Variants in CCDC149 observed in about 807,000 individuals in gnomAD.
The protein encoded by CCDC149 is coiled-coil domain-containing protein 149.
A neutral mutation model predicts 59.9 loss-of-function variants in CCDC149; 45 were observed. The observed-to-expected ratio is 0.75, with a 90% CI of 0.59 to 0.96. The LOEUF is 0.96. Among genes scored for constraint, CCDC149 ranks in the 40% least tolerant of loss-of-function variants. The pLI is 0.00. For synonymous variants in CCDC149, 245 were observed against 260.6 expected (o/e 0.94, Z 0.58); for missense variants, 584 against 664.7 (o/e 0.88, Z 1.33).
At chr4:24,888,656 G>A (rs1439583351) in intron 1 of CCDC149, among the ~76,000 whole-genome samples, 1 of 152,098 alleles carries the variant, frequency 6.6e-6, no homozygotes, top group African/African-American at 2.4e-5. Flanking sequence ...CAATGCCTGT[G>A]GGGCTGGCCA....
intron 1 of CCDC149, among the ~76,000 whole-genome samples, chr4:24,887,891 AT>A (rs1231320137): frequency 6.6e-6 from 1 of 151,756 alleles, no homozygotes; most frequent in Non-Finnish European, 1.5e-5. Context: ...CTCCAACTTC[AT>A]CATCAGCTCT....
At chr4:24,958,705 A>AT (rs1228895278) in intron 1 of CCDC149, among the ~76,000 whole-genome samples, 7 of 152,258 alleles carry the variant, frequency 4.6e-5, no homozygotes, top group Admixed American at 2.6e-4. Flanking sequence ...AGATCAAGGC[A>AT]TAGCTATAGA....
chr4:24,973,939 C>G (rs1347423330), intron 1 of CCDC149, among the ~76,000 whole-genome samples: 1 of 152,240 alleles, frequency 6.6e-6, no homozygotes. Context: ...TCCCCGAGCC[C>G]GGGAAGCCCG....
intron 12 of CCDC149, among the ~76,000 whole-genome samples, chr4:24,813,757 T>C (rs73804435): frequency 0.019 from 2,901 of 152,102 alleles, 106 homozygotes; most frequent in East Asian, 0.17. Context: ...TAATCAAATG[T>C]TTAAAAGTTT....
chr4:24,976,456 T>C (rs777003083), intron 1 of CCDC149, among the ~76,000 whole-genome samples: 2 of 152,166 alleles, frequency 1.3e-5, no homozygotes, highest in Non-Finnish European at 2.9e-5. Context: ...CTCATGTCTG[T>C]AATCTCAGCA....
intron 1 of CCDC149, among the ~76,000 whole-genome samples, chr4:24,906,396 T>TTTTATTTTATTTTATTTTA (rs1560249559): frequency 0.025 from 1,035 of 41,710 alleles, 44 homozygotes; most frequent in African/African-American, 0.051. Flanking sequence ...TTTTATTTTA[T>TTTTATTTTATTTTATTTTA]TTTATTTTAT....
At position 24,838,196 on chromosome 4, in the gene CCDC149, C is replaced by G. The variant is rs748219786; in HGVS notation, c.449G>C (p.Arg150Pro). The change falls in exon 5 of 13, where the codon CGT becomes CCT. Residue 150 changes from arginine to proline, a missense_variant. Coordinates refer to ENST00000635206, the MANE Select transcript of CCDC149 (RefSeq NM_001330643.2). Reference sequence around the variant, plus strand: ...CTCTAGCTGCTGCACCAAGTCTTCACGCTCATGGGCTGCAAAGTGTCGCAC... The same window carrying G: ...CTCTAGCTGCTGCACCAAGTCTTCAGGCTCATGGGCTGCAAAGTGTCGCAC... 6.2e-7 allele frequency: 1 copy of G among 1,614,060 alleles called. No individual in the cohort carries two copies. The highest frequency in any genetic ancestry group is 1.3e-5 in the African/African-American group (1 of 74,918).
chr4:24,905,346 A>G (rs974142179), intron 1 of CCDC149, among the ~76,000 whole-genome samples: 1 of 149,640 alleles, frequency 6.7e-6, no homozygotes, highest in Non-Finnish European at 1.5e-5. Context: ...ATGTCAACCT[A>G]CTCATTTTTT....
At chr4:24,895,986 G>C (rs577806665) in intron 1 of CCDC149, among the ~76,000 whole-genome samples, 1 of 152,216 alleles carries the variant, frequency 6.6e-6, no homozygotes, top group African/African-American at 2.4e-5. Flanking sequence ...TGAGGAAAGC[G>C]GTCTTGCAGC....
chr4:24,804,486 CAAAAA>C (rs397796144), downstream of CCDC149, among the ~76,000 whole-genome samples: 2 of 57,124 alleles, frequency 3.5e-5, no homozygotes, highest in Non-Finnish European at 7.0e-5. Context: ...GTGAGACTCT[CAAAAA>C]AAAAAAAAAA....
At chr4:24,967,750 A>G (rs1018352534) in intron 1 of CCDC149, among the ~76,000 whole-genome samples, 1 of 151,800 alleles carries the variant, frequency 6.6e-6, no homozygotes. Context: ...ATTCTCTTGC[A>G]GATTTAGAAG....
chr4:24,924,879 T>C (rs1722393947), intron 1 of CCDC149, among the ~76,000 whole-genome samples: 1 of 152,186 alleles, frequency 6.6e-6, no homozygotes, highest in Admixed American at 6.5e-5. Flanking sequence ...AAGAAATTGT[T>C]GCAGTCACCT....
chr4:24,834,911 G>C, intron 8 of CCDC149, 37 bp downstream of exon 8: 1 of 1,487,346 alleles, frequency 6.7e-7, no homozygotes, highest in Non-Finnish European at 9.3e-7. Context: ...AGTATTTTAC[G>C]CTCATGAGCG....
chr4:24,960,650 A>C (rs950673121), intron 1 of CCDC149, among the ~76,000 whole-genome samples: 1 of 152,244 alleles, frequency 6.6e-6, no homozygotes, highest in African/African-American at 2.4e-5. Flanking sequence ...AAGAATATTA[A>C]CAGGGATAAA....
At chr4:24,880,857 C>T (rs1329174437) in intron 1 of CCDC149, among the ~76,000 whole-genome samples, 1 of 152,194 alleles carries the variant, frequency 6.6e-6, no homozygotes, top group African/African-American at 2.4e-5. Flanking sequence ...AAAGAACGCA[C>T]ACTCCCCAGG....
intron 1 of CCDC149, among the ~76,000 whole-genome samples, chr4:24,960,754 A>C (rs1481481302): frequency 1.3e-5 from 2 of 152,240 alleles, no homozygotes; most frequent in South Asian, 2.1e-4. Context: ...AAAATACATA[A>C]AACAAAAACT....
In CCDC149 at chr4:24,821,045, C is replaced by T. The variant is rs1250488335; in HGVS notation, c.1075+10G>A. 5 of 1,229,764 alleles carry T rather than the reference C, an allele frequency of 4.1e-6. No individual in the cohort carries two copies. Among genetic ancestry groups the T allele is most frequent in the South Asian group, 4.1e-5 (1 of 24,270 alleles). 76.2% of individuals were successfully genotyped at this position (1,229,764 alleles called of 1,614,324 possible). A position where few individuals can be genotyped will look rare whatever the true frequency, so the allele number is the denominator to read the frequency against. ...TAGCCACAAAAACGGATATTTTAAA[C>T]AGAACATACTCCCAAATCCTACTGA... On this transcript the variant is annotated intron_variant, in intron 11 of 12. Transcript: ENST00000635206.
At chr4:24,948,031 T>C (rs1321270697) in intron 1 of CCDC149, among the ~76,000 whole-genome samples, 1 of 152,156 alleles carries the variant, frequency 6.6e-6, no homozygotes, top group Non-Finnish European at 1.5e-5. Flanking sequence ...AGAGCCTTCG[T>C]TCCCTCCCTG....
chr4:24,825,744 A>G (rs992847780), intron 9 of CCDC149, among the ~76,000 whole-genome samples: 3 of 150,480 alleles, frequency 2.0e-5, no homozygotes, highest in Non-Finnish European at 4.4e-5. Flanking sequence ...CTGCACTCCG[A>G]CCTGGGCGAC....
Sources: allele counts gnomAD v4.1 joint callset (sites outside exome capture counted in the v4.1 genomes callset), GRCh38; gene constraint gnomAD v4.1.1; transcripts MANE v1.5; gene names NCBI Gene and HGNC (gene_info 2026-07-23, HGNC 2026-07-21).